Variants in SIPA1 observed in about 807,000 individuals in gnomAD.
The protein encoded by SIPA1 is signal-induced proliferation-associated 1, also known as signal-induced proliferation-associated protein 1.
In SIPA1, 51 loss-of-function variants were observed where a neutral mutation model predicts 88.1. The observed-to-expected ratio is 0.58, with a 90% CI of 0.46 to 0.73. SIPA1 has a LOEUF of 0.73. Ranked by LOEUF, SIPA1 falls within the 30% of genes least tolerant of loss-of-function variation. The pLI, the probability that SIPA1 is intolerant of heterozygous loss-of-function variation, is 0.00. For missense variants in SIPA1, 1,348 were observed against 1,467.6 expected (o/e 0.92, Z 1.33); for synonymous variants, 681 against 664.8 (o/e 1.02, Z -0.37).
chr11:65,642,947 G>T lies in SIPA1; in HGVS notation c.984+308G>T, dbSNP rs1450659898. 7.6e-6 allele frequency among the ~76,000 whole-genome samples: 1 copy of T among 131,910 alleles called. No homozygotes were observed. The highest frequency in any genetic ancestry group is 8.1e-5 in the Admixed American group (1 of 12,410). The allele number at this position is 131,910 out of a possible 152,430, so 86.5% of individuals were successfully genotyped here. ...TTTATTTATTTTGAGATGGAGTCTCGCTCTGTCACCCAGGCTGGAGTGCAA... is the reference window on the plus strand; with the variant it reads ...TTTATTTATTTTGAGATGGAGTCTCTCTCTGTCACCCAGGCTGGAGTGCAA... On this transcript the variant is annotated intron_variant, in intron 4 of 15. Coordinates refer to ENST00000534313, the MANE Select transcript of SIPA1 (RefSeq NM_006747.4). The surrounding 1 kb of genome is among the most constrained non-coding windows in gnomAD (Gnocchi z 6.5).
chr11:65,646,615 G>T lies in SIPA1; in HGVS notation c.1581G>T (p.Met527Ile). The T allele has an allele frequency of 6.5e-7, 1 of 1,544,322 alleles. No individual in the cohort carries two copies. Among genetic ancestry groups the T allele is most frequent in the Non-Finnish European group, 8.7e-7 (1 of 1,149,128 alleles). The change falls in exon 8 of 16, where the codon ATG becomes ATT. Residue 527 changes from methionine to isoleucine, a missense_variant. By Grantham distance (10) the Met-to-Ile change is conservative. Transcript: ENST00000534313. This position sits in a 1 kb window ranked among gnomAD's most constrained non-coding sequence, Gnocchi z 7.5. ...GCCACGCGCGCCAGTTCCACGCCAT[G>T]GCCACGCGCACCCGCCAGCAGTACC... ...AAGHARQFHA[M>I]ATRTRQQYLQ...
At chr11:65,648,661 C>T (rs1469731344) in intron 9 of SIPA1, among the ~76,000 whole-genome samples, 1 of 151,960 alleles carries the variant, frequency 6.6e-6, no homozygotes, top group Non-Finnish European at 1.5e-5. Context: ...TGCTGAAACC[C>T]GTCTCTAGTA....
rs769618361 is a variant in SIPA1, at chr11:65,641,197, G to T, written c.276G>T (p.Pro92=). 1 of 1,611,654 alleles carries T rather than the reference G, an allele frequency of 6.2e-7. No individual in the cohort carries two copies. Among genetic ancestry groups the T allele is most frequent in the Non-Finnish European group, 8.5e-7 (1 of 1,179,978 alleles). Residue 92 remains proline (P), a synonymous_variant, in exon 2 of 16, where the codon CCG becomes CCT. Transcript: ENST00000534313. Reference sequence around the variant, plus strand: ...CTTCCACCCGGCTCTTCACTGACCCGCTGGCACTGCTGGGGCTGCCAGCAG... The same window carrying T: ...CTTCCACCCGGCTCTTCACTGACCCTCTGGCACTGCTGGGGCTGCCAGCAG... ...AATSTRLFTD[P]LALLGLPAEE...
chr11:65,641,026 G>A lies in SIPA1; in HGVS notation c.105G>A (p.Pro35=), dbSNP rs768841771. The change falls in exon 2 of 16, where the codon CCG becomes CCA. Residue 35 remains proline, a synonymous_variant. Transcript: ENST00000534313. ...ARKLRQPARP[P]LTPHTFEPRP... The stretch of plus-strand genomic sequence containing the variant: ...AGCTGCGCCAGCCAGCAAGGCCCCC[G>A]CTGACACCGCACACCTTCGAGCCGA... The A allele has an allele frequency of 6.2e-5, 99 of 1,591,336 alleles. 1 individual carries two copies. The South Asian group carries it at 8.4e-4, about 13-fold the overall frequency.
Position 65,646,946 on chromosome 11 carries a change from C to G in SIPA1, c.1912C>G (p.Leu638Val). The change falls in exon 8 of 16, where the codon CTG becomes GTG. Residue 638 changes from leucine to valine, a missense_variant. This residue lies in a region of SIPA1 where 615 missense variants were observed against 559.8 expected (regional missense o/e 1.10). Transcript: ENST00000534313. The surrounding 1 kb of genome is among the most constrained non-coding windows in gnomAD (Gnocchi z 7.5). ...GTTCAATTGCGCCTGTCGCGACGTG[C>G]TGGCCTGGACCTTCTCCGAGCAGCA... ...VVFNCACRDV[L>V]AWTFSEQQLD... 2 of 1,538,000 alleles carry G rather than the reference C, an allele frequency of 1.3e-6. No individual in the cohort carries two copies. Among genetic ancestry groups the G allele is most frequent in the Non-Finnish European group, 1.7e-6 (2 of 1,147,530 alleles).
In SIPA1 at chr11:65,642,127, G is replaced by C. The variant is rs1856016421; in HGVS notation, c.680-123G>C. 3 of 1,358,648 alleles carry C rather than the reference G, an allele frequency of 2.2e-6. No individual in the cohort carries two copies. The highest frequency in any genetic ancestry group is 2.0e-6 in the Non-Finnish European group (2 of 998,634). The allele number at this position is 1,358,648 out of a possible 1,614,324, so 84.2% of individuals were successfully genotyped here. On this transcript the variant is annotated intron_variant, in intron 2 of 15. Coordinates refer to ENST00000534313, the MANE Select transcript of SIPA1 (RefSeq NM_006747.4). This position sits in a 1 kb window ranked among gnomAD's most constrained non-coding sequence, Gnocchi z 6.5. Reference sequence around the variant, plus strand: ...CGGGGCTACAGAGGGGCGGGACTTAGTCTAGGGTCAACATTTGGTGGTGAG... The same window carrying C: ...CGGGGCTACAGAGGGGCGGGACTTACTCTAGGGTCAACATTTGGTGGTGAG...
In SIPA1 at chr11:65,646,201, C is replaced by T; in HGVS notation, c.1264-20C>T. 6.2e-7 allele frequency: 1 copy of T among 1,612,614 alleles called. No homozygotes were observed. Among genetic ancestry groups the T allele is most frequent in the Non-Finnish European group, 8.5e-7 (1 of 1,179,370 alleles). ...GGGCACAGAAGACCTCATCACGAGCCCCTACTATCCAACCCCTAGCTCCTC... is the reference window on the plus strand; with the variant it reads ...GGGCACAGAAGACCTCATCACGAGCTCCTACTATCCAACCCCTAGCTCCTC... On this transcript the variant is annotated intron_variant, in intron 6 of 15. Transcript: ENST00000534313. The surrounding 1 kb of genome is among the most constrained non-coding windows in gnomAD (Gnocchi z 7.5).
chr11:65,641,074 G>A lies in SIPA1; in HGVS notation c.153G>A (p.Leu51=). The part of the protein sequence containing the change: ...FEPRPVRGPL[L]RSGSDAGEAR... ...CGAGGCCAGTCCGGGGCCCACTCCT[G>A]CGCAGCGGCAGCGATGCAGGCGAGG... The change falls in exon 2 of 16, where the codon CTG becomes CTA. Residue 51 remains leucine, a synonymous_variant. Transcript: ENST00000534313. 1 of 1,599,672 alleles carries A rather than the reference G, an allele frequency of 6.3e-7. No homozygotes were observed. The highest frequency in any genetic ancestry group is 1.7e-5 in the Admixed American group (1 of 59,234).
At position 65,641,358 on chromosome 11, in the gene SIPA1, T is replaced by C; in HGVS notation, c.437T>C (p.Leu146Pro). Reference protein sequence around the residue: ...GSHSEASSGTLASAEDQAASS... With the variant: ...GSHSEASSGTPASAEDQAASS... ...CACTCAGAGGCCAGCTCTGGGACCC[T>C]GGCTTCAGCCGAGGACCAGGCTGCC... Residue 146 changes from leucine to proline, a missense_variant, in exon 2 of 16, where the codon CTG (leucine) becomes CCG (proline). By Grantham distance (98) the Leu-to-Pro change is moderately conservative. Around this residue, in one of 4 missense-constraint regions of SIPA1, gnomAD observed 641 missense variants for 797.7 expected, o/e 0.80. Coordinates refer to ENST00000534313, the MANE Select transcript of SIPA1 (RefSeq NM_006747.4). 3 of 1,613,394 alleles carry C rather than the reference T, an allele frequency of 1.9e-6. No homozygotes were observed. The highest frequency in any genetic ancestry group is 4.5e-5 in the East Asian group (2 of 44,886).
intron 2 of SIPA1, among the ~76,000 whole-genome samples, 193 bp downstream of exon 2, chr11:65,641,793 C>T (rs1271499214): frequency 6.6e-6 from 1 of 152,178 alleles, no homozygotes; most frequent in African/African-American, 2.4e-5. Context: ...TCCCTGGCTC[C>T]TCACCCCCAG....
chr11:65,645,073 G>A lies in SIPA1; in HGVS notation c.1103G>A (p.Gly368Asp). Residue 368 changes from glycine to aspartate, a missense_variant, in exon 5 of 16, where the codon GGC (glycine) becomes GAC (aspartate). Around this residue, in one of 4 missense-constraint regions of SIPA1, gnomAD observed 641 missense variants for 797.7 expected, o/e 0.80. Transcript: ENST00000534313. ...PAFMQFLTLL[G>D]DVVRLKGFES... ...TTCATGCAGTTTCTCACCTTGCTGG[G>A]CGATGTGGTGCGGCTCAAAGGCTTT... The A allele has an allele frequency of 6.2e-7, 1 of 1,614,082 alleles. No individual in the cohort carries two copies. Among genetic ancestry groups the A allele is most frequent in the Non-Finnish European group, 8.5e-7 (1 of 1,179,940 alleles).
rs1397741992 is a variant in SIPA1 at position 65,642,900 on chromosome 11, A to ACTTTCTTTCTTT, written c.984+265_984+266insCTTTCTTTCTTT. On this transcript the variant is annotated intron_variant, in intron 4 of 15. Transcript: ENST00000534313. The surrounding 1 kb of genome is among the most constrained non-coding windows in gnomAD (Gnocchi z 6.5). Reference sequence around the variant, plus strand: ...CCAGACCATCTGAATCAGAGTTTGCACTTTATTTATTTATTTATTTATTTA... The same window carrying ACTTTCTTTCTTT: ...CCAGACCATCTGAATCAGAGTTTGCACTTTCTTTCTTTCTTTATTTATTTATTTATTTATTTA... Among the ~76,000 whole-genome samples the ACTTTCTTTCTTT allele has an allele frequency of 4.6e-4, 32 of 69,226 alleles. No homozygotes were observed. Among genetic ancestry groups the ACTTTCTTTCTTT allele is most frequent in the African/African-American group, 2.0e-3 (29 of 14,726 alleles). The allele number at this position is 69,226 out of a possible 152,430, so 45.4% of individuals were successfully genotyped here. A position where few individuals can be genotyped will look rare whatever the true frequency, so the allele number is the denominator to read the frequency against.
At chr11:65,650,339 G>A (rs1389630455) in intron 14 of SIPA1, 62 bp from the exon 15 acceptor site, 3 of 1,578,460 alleles carry the variant, frequency 1.9e-6, no homozygotes, top group Non-Finnish European at 2.6e-6. Flanking sequence ...CTGGGGCTGG[G>A]AGTCAGCTGG....
intron 1 of SIPA1, chr11:65,640,063 C>T (rs1855972453): frequency 6.6e-6 from 1 of 152,294 alleles, no homozygotes. Flanking sequence ...TGTGACTCCT[C>T]TTGCCCCCAA....
Position 65,642,541 on chromosome 11 carries a change from C to G in SIPA1, c.886C>G (p.Leu296Val). ...PPRGLSPRKLLEHVAPQLSPS... is the reference protein window; with the variant it reads ...PPRGLSPRKLVEHVAPQLSPS... ...ACGGGGTCTGTCCCCAAGGAAACTT[C>G]TGGAGCACGTGGCGCCGCAGCTGAG... is the stretch of plus-strand genomic sequence containing the variant. Residue 296 changes from leucine (L) to valine (V), a missense_variant, in exon 4 of 16, where the codon CTG becomes GTG. Physicochemically the swap from Leu to Val is conservative, Grantham distance 32. Coordinates refer to ENST00000534313, the MANE Select transcript of SIPA1 (RefSeq NM_006747.4). This position sits in a 1 kb window ranked among gnomAD's most constrained non-coding sequence, Gnocchi z 6.5. The G allele has an allele frequency of 1.2e-6, 2 of 1,606,984 alleles. No homozygotes were observed. The highest frequency in any genetic ancestry group is 2.2e-5 in the South Asian group (2 of 90,702).
At chr11:65,647,879 T>G (rs1856167747) in intron 9 of SIPA1, among the ~76,000 whole-genome samples, 1 of 151,816 alleles carries the variant, frequency 6.6e-6, no homozygotes, top group African/African-American at 2.4e-5. Context: ...TCTCTCTTTT[T>G]TTTTTTTTTG....
chr11:65,647,250 C>T (rs1856143250), intron 8 of SIPA1, 134 bp from the exon 9 acceptor site: 1 of 1,372,812 alleles, frequency 7.3e-7, no homozygotes, highest in African/African-American at 1.5e-5. Context: ...GGTCTTCATC[C>T]CTCGGGCGGT....
In SIPA1 at chr11:65,647,675, C is replaced by A; in HGVS notation, c.2306+17C>A. ...GCCCCGCAGGTCAGGGTGCCGGGGA[C>A]GCGGGGAGGTGGGAGGGCCGGCAGT... On this transcript the variant is annotated intron_variant, in intron 9 of 15. Transcript: ENST00000534313. 1.5e-6 allele frequency: 2 copies of A among 1,333,250 alleles called. No homozygotes were observed. The allele number at this position is 1,333,250 out of a possible 1,614,324, so 82.6% of individuals were successfully genotyped here.
chr11:65,645,876 C>T lies in SIPA1; in HGVS notation c.1182C>T (p.Ser394=). ...CAGCGGATTCCACAGGCACGCACTC[C>T]CTCTACACCACATACCAGGACCACG... is the stretch of plus-strand genomic sequence containing the variant. ...DTKTDSTGTH[S]LYTTYQDHEI... Residue 394 remains serine, a synonymous_variant, in exon 6 of 16, where the codon TCC becomes TCT. Coordinates refer to ENST00000534313, the MANE Select transcript of SIPA1 (RefSeq NM_006747.4). 1 of 1,611,450 alleles carries T rather than the reference C, an allele frequency of 6.2e-7. No individual in the cohort carries two copies. The highest frequency in any genetic ancestry group is 8.5e-7 in the Non-Finnish European group (1 of 1,178,678).
Sources: gnomAD v4.1 joint callset for allele counts (sites outside exome capture counted in the v4.1 genomes callset) on GRCh38, gnomAD v4.1.1 for gene constraint, gnomAD v4.1.1 regional missense constraint, Gnocchi (gnomAD v3.1) non-coding constraint, MANE v1.5 for transcripts, NCBI Gene and HGNC (gene_info 2026-07-23, HGNC 2026-07-21) for gene names.